The following GGA1 variants were observed in gnomAD, a reference collection of about 807,000 sequenced individuals.
The protein encoded by GGA1 is golgi associated, gamma adaptin ear containing, ARF binding protein 1.
Under a neutral mutation model 76.9 loss-of-function variants are expected in GGA1, and 18 were observed. That is an observed-to-expected ratio of 0.23 (90% confidence interval 0.16 to 0.35). GGA1 has a LOEUF of 0.35. Ranked by LOEUF, GGA1 falls within the 10% of genes least tolerant of loss-of-function variation. The pLI is 1.00. For missense variants in GGA1, 755 were observed against 859.0 expected (o/e 0.88, Z 1.51); for synonymous variants, 342 against 354.7 (o/e 0.96, Z 0.40).
intron 3 of GGA1, 192 bp downstream of exon 3, chr22:37,617,189 C>G: frequency 6.9e-7 from 1 of 1,450,952 alleles, no homozygotes; most frequent in African/African-American, 1.5e-5. Flanking sequence ...ACCCCAGCAT[C>G]CATACACGTA....
At chr22:37,629,853 G>C (rs1931478716) in intron 12 of GGA1, 145 bp from the exon 13 acceptor site, 2 of 646,750 alleles carry the variant, frequency 3.1e-6, no homozygotes, top group South Asian at 3.8e-5. Flanking sequence ...CCTGCATCAT[G>C]GACATGGGTG....
In GGA1 at chr22:37,616,932, G is replaced by T. The variant is rs376388093; in HGVS notation, c.139G>T (p.Ala47Ser). 1 of 1,604,718 alleles carries T rather than the reference G, an allele frequency of 6.2e-7. No homozygotes were observed. The highest frequency in any genetic ancestry group is 1.1e-5 in the South Asian group (1 of 89,382). Residue 47 changes from alanine to serine, a missense_variant, in exon 3 of 17, where the codon GCC becomes TCC. By Grantham distance (99) the Ala-to-Ser change is moderately conservative (BLOSUM62 1). Transcript: ENST00000343632. ...LNEDFEGPPL[A>S]TRLLAHKIQS... is the part of the protein sequence containing the mutation. ...GTTCCTCCCACCCAGGCCTCCACTC[G>T]CCACCCGGCTGCTGGCCCACAAGAT...
At position 37,625,912 on chromosome 22, in the gene GGA1, C is replaced by T; in HGVS notation, c.1056C>T (p.Ala352=). 1.9e-6 allele frequency: 3 copies of T among 1,602,290 alleles called. No individual in the cohort carries two copies. The highest frequency in any genetic ancestry group is 4.5e-5 in the East Asian group (2 of 44,656). The change falls in exon 11 of 17, where the codon GCC becomes GCT. Residue 352 remains alanine, a synonymous_variant. Coordinates refer to ENST00000343632, the MANE Select transcript of GGA1 (RefSeq NM_013365.5). The surrounding 1 kb of genome is among the most constrained non-coding windows in gnomAD (Gnocchi z 4.1). ...GEQASPEQPS[A]SVSLLDDELM... ...AGGCCAGCCCTGAGCAGCCCAGTGC[C>T]TCAGTTTCCCTGCTTGACGACGAGC...
intron 11 of GGA1, among the ~76,000 whole-genome samples, chr22:37,628,414 A>G (rs1931232927): frequency 6.6e-6 from 1 of 152,202 alleles, no homozygotes; most frequent in East Asian, 1.9e-4. Flanking sequence ...CACACAGCCA[A>G]GTGGCAGAGT....
At chr22:37,610,551 G>A (rs1927318225) in intron 1 of GGA1, 1 of 152,210 alleles carries the variant, frequency 6.6e-6, no homozygotes, top group African/African-American at 2.4e-5. Context: ...ATGTTGGCCA[G>A]GCTGATCTCG....
intron 7 of GGA1, among the ~76,000 whole-genome samples, chr22:37,621,972 T>C (rs1929974572): frequency 6.6e-6 from 1 of 152,126 alleles, no homozygotes; most frequent in Non-Finnish European, 1.5e-5. Context: ...ATACTAAGTA[T>C]TTTTAAAATT....
rs551311218 is a variant in GGA1, at chr22:37,620,257, C to T, written c.323C>T (p.Ser108Leu). 14 of 1,613,818 alleles carry T rather than the reference C, an allele frequency of 8.7e-6. No homozygotes were observed. The highest frequency in any genetic ancestry group is 4.4e-5 in the South Asian group (4 of 91,066). Residue 108 changes from serine (S) to leucine (L), a missense_variant, in exon 5 of 17, where the codon TCG becomes TTG. Ser to Leu is a moderately radical substitution (Grantham distance 145). Coordinates refer to ENST00000343632, the MANE Select transcript of GGA1 (RefSeq NM_013365.5). ...VSPKYLGSRTSEKVKNKILEL... is the reference protein window; with the variant it reads ...VSPKYLGSRTLEKVKNKILEL... ...CTGAAGTATCTGGGCTCTCGGACAT[C>T]GGAGAAGGTGAAGAACAAGATCTTG...
At chr22:37,614,366 T>G in intron 2 of GGA1, 92 bp downstream of exon 2, 1 of 859,564 alleles carries the variant, frequency 1.2e-6, no homozygotes, top group Non-Finnish European at 2.0e-6. Context: ...GACCCGGTTT[T>G]CATTCTGAAC....
At chr22:37,617,382 G>A in intron 3 of GGA1, 1 of 1,104,010 alleles carries the variant, frequency 9.1e-7, no homozygotes, top group Non-Finnish European at 1.1e-6. Context: ...GTAAAGCTAA[G>A]GGGTGGTGCT....
chr22:37,611,866 T>C (rs904147350), intron 1 of GGA1, among the ~76,000 whole-genome samples: 1 of 152,204 alleles, frequency 6.6e-6, no homozygotes, highest in African/African-American at 2.4e-5. Context: ...AAAATCAATA[T>C]TTTGGTCAGG....
intron 11 of GGA1, chr22:37,626,578 A>G (rs1930883234): frequency 6.6e-6 from 1 of 152,268 alleles, no homozygotes; most frequent in South Asian, 2.1e-4. Flanking sequence ...TCCTCCTGAG[A>G]GCCACTGAAG....
chr22:37,621,774 A>G (rs2145939953), intron 7 of GGA1, 78 bp downstream of exon 7: 1 of 915,704 alleles, frequency 1.1e-6, no homozygotes, highest in Non-Finnish European at 1.7e-6. Context: ...GGCTGTATGC[A>G]TCTTCACATG....
At chr22:37,630,756 C>G (rs753079257) in intron 13 of GGA1, 147 bp from the exon 14 acceptor site, 1 of 618,842 alleles carries the variant, frequency 1.6e-6, no homozygotes, top group Non-Finnish European at 2.9e-6. Flanking sequence ...TTTATACAGA[C>G]CGGGTTTCGC....
Position 37,625,933 on chromosome 22 carries a change from C to A in GGA1, c.1077C>A (p.Asp359Glu). ...QPSASVSLLD[D>E]ELMSLGLSDP... ...GTGCCTCAGTTTCCCTGCTTGACGA[C>A]GAGCTCATGTCTCTGGGTGAGGAAG... Residue 359 changes from aspartate to glutamate, a missense_variant, in exon 11 of 17, where the codon GAC becomes GAA. By Grantham distance (45) the Asp-to-Glu change is conservative. Coordinates refer to ENST00000343632, the MANE Select transcript of GGA1 (RefSeq NM_013365.5). This position sits in a 1 kb window ranked among gnomAD's most constrained non-coding sequence, Gnocchi z 4.1. 1 of 1,597,460 alleles carries A rather than the reference C, an allele frequency of 6.3e-7. No homozygotes were observed. Among genetic ancestry groups the A allele is most frequent in the Admixed American group, 1.7e-5 (1 of 59,618 alleles).
chr22:37,630,008 C>A lies in GGA1; in HGVS notation c.1169C>A (p.Ala390Asp). The A allele has an allele frequency of 6.4e-7, 1 of 1,564,246 alleles. No individual in the cohort carries two copies. Among genetic ancestry groups the A allele is most frequent in the Non-Finnish European group, 8.7e-7 (1 of 1,154,550 alleles). Residue 390 changes from alanine to aspartate, a missense_variant, in exon 13 of 17, where the codon GCC becomes GAC. Physicochemically the swap from Ala to Asp is moderately radical, Grantham distance 126. Transcript: ENST00000343632. ...TCCTTTTCCCCACAGTCGTCGGATG[C>A]CACTGAGCCCCCAGCCCCTGCTCTG... ...TGWNSFQSSD[A>D]TEPPAPALAQ...
Position 37,608,878 on chromosome 22 carries a change from G to C in GGA1, c.18G>C (p.Glu6Asp), listed in dbSNP as rs1569192787. Residue 6 changes from glutamate (E) to aspartate (D), a missense_variant, in exon 1 of 17, where the codon GAG becomes GAC. Transcript: ENST00000343632. MEPAM[E>D]PETLEARINR... is the part of the protein sequence containing the mutation. Reference sequence around the variant, plus strand: ...GGTGGCGGATGGAGCCCGCGATGGAGCCGGAGACTCTGGAGGCGCGAATCA... The same window carrying C: ...GGTGGCGGATGGAGCCCGCGATGGACCCGGAGACTCTGGAGGCGCGAATCA... The C allele has an allele frequency of 1.5e-6, 2 of 1,311,506 alleles. No individual in the cohort carries two copies. Among genetic ancestry groups the C allele is most frequent in the Admixed American group, 4.2e-5 (1 of 23,892 alleles). 81.2% of individuals were successfully genotyped at this position (1,311,506 alleles called of 1,614,324 possible). A position where few individuals can be genotyped will look rare whatever the true frequency, so the allele number is the denominator to read the frequency against.
chr22:37,627,858 G>A (rs990461894), intron 11 of GGA1, among the ~76,000 whole-genome samples: 2 of 152,198 alleles, frequency 1.3e-5, no homozygotes, highest in African/African-American at 4.8e-5. Context: ...ACTCTTCACG[G>A]CAGGGGTGGG....
chr22:37,614,060 A>T, intron 1 of GGA1, 130 bp from the exon 2 acceptor site: 1 of 700,314 alleles, frequency 1.4e-6, no homozygotes, highest in Non-Finnish European at 2.6e-6. Flanking sequence ...GCAGGAAGGC[A>T]GGGGGAGAGC....
Position 37,620,267 on chromosome 22 carries a change from G to A in GGA1, c.333G>A (p.Val111=). ...TGGGCTCTCGGACATCGGAGAAGGT[G>A]AAGAACAAGATCTTGGAGCTCCTCT... ...KYLGSRTSEK[V]KNKILELLYS... Residue 111 remains valine (V), a synonymous_variant, in exon 5 of 17, where the codon GTG becomes GTA. Coordinates refer to ENST00000343632, the MANE Select transcript of GGA1 (RefSeq NM_013365.5). The A allele has an allele frequency of 1.2e-6, 2 of 1,613,982 alleles. No individual in the cohort carries two copies. Among genetic ancestry groups the A allele is most frequent in the Non-Finnish European group, 1.7e-6 (2 of 1,179,906 alleles).
Sources: allele counts gnomAD v4.1 joint callset (sites outside exome capture counted in the v4.1 genomes callset), GRCh38; gene constraint gnomAD v4.1.1; non-coding constraint Gnocchi (gnomAD v3.1); transcripts MANE v1.5; gene names NCBI Gene and HGNC (gene_info 2026-07-23, HGNC 2026-07-21).